The following CSMD1 variants were observed in gnomAD, a reference collection of about 807,000 sequenced individuals.
CSMD1 encodes the protein CUB and Sushi multiple domains 1, also known as CUB and sushi domain-containing protein 1.
In CSMD1, 213 loss-of-function variants were observed where a neutral mutation model predicts 417.5. The ratio of observed to expected loss-of-function variants is 0.51; its 90% CI spans 0.46 to 0.57. The LOEUF is 0.57. Among genes scored for constraint, CSMD1 ranks in the 20% least tolerant of loss-of-function variants. The pLI is 0.00. For synonymous variants in CSMD1, 2,862 were observed against 1,736.8 expected (o/e 1.65, Z -16.11); for missense variants, 6,923 against 4,529.7 (o/e 1.53, Z -15.17).
chr8:3,070,029 A>G (rs1285314546), intron 49 of CSMD1, among the ~76,000 whole-genome samples: 1 of 152,216 alleles, frequency 6.6e-6, no homozygotes, highest in Non-Finnish European at 1.5e-5. Flanking sequence ...GCACCTGGGC[A>G]CTTGTGATTC....
chr8:4,987,503 C>A (rs138143257), intron 1 of CSMD1, among the ~76,000 whole-genome samples: 68 of 152,256 alleles, frequency 4.5e-4, no homozygotes, highest in African/African-American at 1.6e-3. Context: ...TCTATCATAT[C>A]CACATCATAT....
chr8:4,534,017 A>G (rs1198431341), intron 2 of CSMD1, among the ~76,000 whole-genome samples: 1 of 151,690 alleles, frequency 6.6e-6, no homozygotes, highest in Non-Finnish European at 1.5e-5. Flanking sequence ...ACATTTGTGG[A>G]TAAACAGAAC....
chr8:4,122,848 C>G (rs906551597), intron 3 of CSMD1, among the ~76,000 whole-genome samples: 9 of 152,246 alleles, frequency 5.9e-5, no homozygotes, highest in South Asian at 2.1e-4. Context: ...TCACAGAGAA[C>G]AGAAACTTGG....
chr8:2,964,644 T>C (rs1351826542), intron 59 of CSMD1, among the ~76,000 whole-genome samples: 7 of 152,242 alleles, frequency 4.6e-5, no homozygotes, highest in Admixed American at 3.3e-4. Flanking sequence ...TTGACCTGAA[T>C]ACTGCCGACA....
chr8:4,748,685 G>C (rs1448983003), intron 1 of CSMD1, among the ~76,000 whole-genome samples: 2 of 152,134 alleles, frequency 1.3e-5, no homozygotes, highest in Non-Finnish European at 2.9e-5. Flanking sequence ...AGTTTGTAGG[G>C]GGTGAATAGC....
intron 3 of CSMD1, among the ~76,000 whole-genome samples, chr8:4,381,828 T>G (rs1189549787): frequency 6.6e-6 from 1 of 152,176 alleles, no homozygotes; most frequent in Non-Finnish European, 1.5e-5. Context: ...CTTTTCTATC[T>G]CCTGCTTCAC....
At chr8:4,725,805 C>T (rs374186609) in intron 1 of CSMD1, among the ~76,000 whole-genome samples, 1 of 152,160 alleles carries the variant, frequency 6.6e-6, no homozygotes. Flanking sequence ...CCTAGCTGCT[C>T]GGTTGGAACT....
At chr8:3,511,222 G>T (rs1797052782) in intron 10 of CSMD1, among the ~76,000 whole-genome samples, 1 of 151,686 alleles carries the variant, frequency 6.6e-6, no homozygotes, top group African/African-American at 2.4e-5. Flanking sequence ...ATACACCAGG[G>T]CCTGTTGGGG....
chr8:4,317,821 A>G (rs1799022468), intron 3 of CSMD1, among the ~76,000 whole-genome samples: 1 of 152,124 alleles, frequency 6.6e-6, no homozygotes, highest in Admixed American at 6.6e-5. Context: ...GGCATTCAGT[A>G]ATTATTTGTT....
chr8:3,785,297 T>A (rs1265457841), intron 5 of CSMD1, among the ~76,000 whole-genome samples: 1 of 152,188 alleles, frequency 6.6e-6, no homozygotes, highest in Non-Finnish European at 1.5e-5. Context: ...ATAAAATAAA[T>A]GATGAAACTT....
Position 4,612,352 on chromosome 8 carries a change from A to G in CSMD1, c.302+24990T>C, listed in dbSNP as rs1801223567. ...TTACTTAGGAGCACTTTCAGAATTG[A>G]AAAAAAACAAGAGGAATGGTTTTCC... On this transcript the variant is annotated intron_variant, in intron 2 of 69. Coordinates refer to ENST00000635120, the MANE Select transcript of CSMD1 (RefSeq NM_033225.6). 4.9e-5 allele frequency among the ~76,000 whole-genome samples: 5 copies of G among 102,928 alleles called. No individual in the cohort carries two copies. The South Asian group carries it at 1.4e-3, about 28-fold the overall frequency. 67.5% of individuals were successfully genotyped at this position (102,928 alleles called of 152,430 possible).
intron 2 of CSMD1, among the ~76,000 whole-genome samples, chr8:4,515,715 G>A (rs1803079957): frequency 6.6e-6 from 1 of 152,120 alleles, no homozygotes; most frequent in Non-Finnish European, 1.5e-5. Context: ...TGGGGTGAAT[G>A]CTTATGAGCC....
chr8:3,574,461 GT>G (rs1800064890), intron 10 of CSMD1, among the ~76,000 whole-genome samples: 1 of 152,106 alleles, frequency 6.6e-6, no homozygotes, highest in African/African-American at 2.4e-5. Context: ...GGCCAGACTG[GT>G]TTTAGAACTC....
chr8:4,242,759 C>T (rs1435287002), intron 3 of CSMD1, among the ~76,000 whole-genome samples: 2 of 152,126 alleles, frequency 1.3e-5, no homozygotes, highest in Admixed American at 6.5e-5. Flanking sequence ...TCTGAACATC[C>T]CTGGATGGAA....
chr8:3,603,411 T>C, intron 8 of CSMD1, among the ~76,000 whole-genome samples: 1 of 152,148 alleles, frequency 6.6e-6, no homozygotes. Flanking sequence ...AGGAAAGGCT[T>C]GCGAGCTAAA....
intron 3 of CSMD1, among the ~76,000 whole-genome samples, chr8:4,360,227 C>T (rs371723232): frequency 6.6e-6 from 1 of 152,112 alleles, no homozygotes; most frequent in Non-Finnish European, 1.5e-5. Flanking sequence ...TAACCCTTCT[C>T]ATCTAATGTT....
chr8:4,136,260 C>G (rs1438683847), intron 3 of CSMD1, among the ~76,000 whole-genome samples: 1 of 152,212 alleles, frequency 6.6e-6, no homozygotes, highest in Non-Finnish European at 1.5e-5. Flanking sequence ...CAGATTGTAA[C>G]TTGAACACAG....
intron 12 of CSMD1, among the ~76,000 whole-genome samples, chr8:3,457,684 G>A (rs1336020237): frequency 6.6e-6 from 1 of 152,078 alleles, no homozygotes; most frequent in Non-Finnish European, 1.5e-5. Context: ...TTTTAACAAA[G>A]ACTCTTGTTG....
intron 52 of CSMD1, among the ~76,000 whole-genome samples, chr8:3,002,449 T>G (rs76594893): frequency 0.023 from 3,484 of 152,196 alleles, 137 homozygotes; most frequent in African/African-American, 0.078. Flanking sequence ...AGGCATAGAA[T>G]AGCTAGTTTC....
Sources: gnomAD v4.1 joint callset for allele counts (sites outside exome capture counted in the v4.1 genomes callset) on GRCh38, gnomAD v4.1.1 for gene constraint, MANE v1.5 for transcripts, NCBI Gene and HGNC (gene_info 2026-07-23, HGNC 2026-07-21) for gene names.